EPHA4: variants seen among roughly 807,000 people sequenced by gnomAD.
EPHA4 encodes ephrin type-A receptor 4.
EPHA4 carries 19 observed loss-of-function variants against 108.3 expected under a neutral mutation model. The observed-to-expected ratio is 0.18, with a 90% CI of 0.12 to 0.26. The LOEUF (loss-of-function observed/expected upper bound fraction) is 0.26. Among genes scored for constraint, EPHA4 ranks in the 10% least tolerant of loss-of-function variants. EPHA4 has a pLI of 1.00. For synonymous variants in EPHA4, 449 were observed against 455.5 expected (o/e 0.99, Z 0.18); for missense variants, 917 against 1,254.0 (o/e 0.73, Z 4.06).
At chr2:221,517,109 G>T (rs938292941) in intron 3 of EPHA4, among the ~76,000 whole-genome samples, 3 of 152,174 alleles carry the variant, frequency 2.0e-5, no homozygotes, top group Non-Finnish European at 4.4e-5. Context: ...TATTCTACTG[G>T]CAGGGATAGA....
intron 13 of EPHA4, among the ~76,000 whole-genome samples, chr2:221,435,150 G>A (rs900718058): frequency 3.9e-5 from 6 of 152,128 alleles, no homozygotes; most frequent in African/African-American, 1.4e-4. Context: ...TACGAAACAG[G>A]ACAATAAATT....
At chr2:221,528,036 C>G (rs1274769131) in intron 3 of EPHA4, among the ~76,000 whole-genome samples, 2 of 133,354 alleles carry the variant, frequency 1.5e-5, no homozygotes, top group Non-Finnish European at 3.2e-5. Flanking sequence ...CCCGCCGTTT[C>G]CCCTCCCCTT....
chr2:221,551,310 G>T (rs994206739), intron 3 of EPHA4, among the ~76,000 whole-genome samples: 1 of 152,218 alleles, frequency 6.6e-6, no homozygotes, highest in Middle Eastern at 3.4e-3. Flanking sequence ...TAACCAGCTA[G>T]AAGATATAAT....
At chr2:221,424,987 G>A (rs1574550899) in intron 17 of EPHA4, among the ~76,000 whole-genome samples, 1 of 150,062 alleles carries the variant, frequency 6.7e-6, no homozygotes, top group Non-Finnish European at 1.5e-5. Flanking sequence ...GACCTCATCT[G>A]GGTCATATGT....
At chr2:221,497,835 C>T (rs185549479) in intron 4 of EPHA4, among the ~76,000 whole-genome samples, 221 of 152,200 alleles carry the variant, frequency 1.5e-3, no homozygotes, top group African/African-American at 5.2e-3. Flanking sequence ...TTTCATGGAC[C>T]TTTTAACAAT....
chr2:221,501,291 T>A (rs1439931254), intron 3 of EPHA4, 119 bp from the exon 4 acceptor site: 1 of 885,966 alleles, frequency 1.1e-6, no homozygotes, highest in Non-Finnish European at 1.6e-6. Context: ...TCATTAGCGA[T>A]CATGTGGCTT....
At chr2:221,531,757 G>T (rs1693524025) in intron 3 of EPHA4, among the ~76,000 whole-genome samples, 1 of 151,954 alleles carries the variant, frequency 6.6e-6, no homozygotes, top group African/African-American at 2.4e-5. Flanking sequence ...TCTAGATATA[G>T]ATAAAATATG....
chr2:221,485,450 C>T (rs542320127), intron 4 of EPHA4, among the ~76,000 whole-genome samples: 3 of 152,282 alleles, frequency 2.0e-5, no homozygotes, highest in South Asian at 2.1e-4. Flanking sequence ...GCTGGTAAAT[C>T]GTACTGCGTA....
At chr2:221,459,325 T>TC (rs71050334) in intron 5 of EPHA4, among the ~76,000 whole-genome samples, 27 of 148,840 alleles carry the variant, frequency 1.8e-4, no homozygotes, top group Middle Eastern at 3.5e-3. Flanking sequence ...TATTTTTTTT[T>TC]CCTCTCTCTC....
intron 4 of EPHA4, among the ~76,000 whole-genome samples, chr2:221,488,099 C>T (rs1276830169): frequency 6.6e-6 from 1 of 152,114 alleles, no homozygotes; most frequent in East Asian, 1.9e-4. Flanking sequence ...CTCTGTAATT[C>T]TATCTCCAAA....
intron 5 of EPHA4, among the ~76,000 whole-genome samples, chr2:221,465,780 A>T (rs149191112): frequency 2.4e-4 from 36 of 152,316 alleles, no homozygotes; most frequent in African/African-American, 8.7e-4. Context: ...CACCAACTGG[A>T]TGCGATTTCA....
At chr2:221,567,238 A>G (rs1003262571) in intron 2 of EPHA4, among the ~76,000 whole-genome samples, 6 of 152,182 alleles carry the variant, frequency 3.9e-5, no homozygotes, top group African/African-American at 1.4e-4. Flanking sequence ...AAGTACTGAC[A>G]CTTTCCATCC....
At chr2:221,510,469 T>A (rs1036825370) in intron 3 of EPHA4, among the ~76,000 whole-genome samples, 2 of 152,136 alleles carry the variant, frequency 1.3e-5, no homozygotes, top group South Asian at 4.1e-4. Flanking sequence ...TCTCCTCCCA[T>A]TTTTCCCCTC....
chr2:221,481,568 T>A (rs1454045027), intron 5 of EPHA4, among the ~76,000 whole-genome samples: 1 of 151,896 alleles, frequency 6.6e-6, no homozygotes, highest in Non-Finnish European at 1.5e-5. Context: ...GCAGAAGAAT[T>A]GGTTGAACTC....
Position 221,563,703 on chromosome 2 carries a change from GA to G in EPHA4, c.823+27del, listed in dbSNP as rs778846869. The G allele has an allele frequency of 6.2e-6, 10 of 1,606,156 alleles. No homozygotes were observed. In the South Asian group the frequency reaches 9.9e-5, roughly 16 times the overall value. On this transcript the variant is annotated intron_variant, in intron 3 of 17. Transcript: ENST00000281821. ...TTAATTACTCGCACTAAGCCCCAGT[GA>G]AAAAACTGCAATATGGACCCTCTTA...
intron 3 of EPHA4, among the ~76,000 whole-genome samples, chr2:221,554,133 T>C (rs139094256): frequency 4.6e-5 from 7 of 152,312 alleles, no homozygotes; most frequent in Non-Finnish European, 1.0e-4. Context: ...AATTTTCTCA[T>C]CCGCTAATGA....
In EPHA4 at chr2:221,506,062, G is replaced by A. The variant is rs1007352214; in HGVS notation, c.824-4890C>T. Among the ~76,000 whole-genome samples, 7 of 151,890 alleles carry A rather than the reference G, an allele frequency of 4.6e-5. No homozygotes were observed. In the South Asian group the frequency reaches 1.3e-3, roughly 27 times the overall value. On this transcript the variant is annotated intron_variant, in intron 3 of 17. Coordinates refer to ENST00000281821, the MANE Select transcript of EPHA4 (RefSeq NM_004438.5). ...AGGAGAATCTGAACCCTTTATGCAC[G>A]CTGGTCTCCATACAATATTTGGCAA...
At chr2:221,570,301 C>T (rs1194841594) in intron 1 of EPHA4, among the ~76,000 whole-genome samples, 1 of 136,168 alleles carries the variant, frequency 7.3e-6, no homozygotes, top group African/African-American at 2.8e-5. Context: ...TTGTCTTGGG[C>T]TCCCAAGTTT....
At chr2:221,572,334 T>C, upstream of EPHA4, 1 of 1,255,418 alleles carries the variant, frequency 8.0e-7, no homozygotes, top group Non-Finnish European at 1.1e-6. Flanking sequence ...CTGAAGACAT[T>C]GCCAAGGGGG....
Sources: gnomAD v4.1 joint callset for allele counts (sites outside exome capture counted in the v4.1 genomes callset) on GRCh38, gnomAD v4.1.1 for gene constraint, MANE v1.5 for transcripts, NCBI Gene and HGNC (gene_info 2026-07-23, HGNC 2026-07-21) for gene names.